The following VPS45 variants were observed in gnomAD, a reference collection of about 807,000 sequenced individuals.
VPS45 encodes vacuolar protein sorting 45 homolog.
A neutral mutation model predicts 75.9 loss-of-function variants in VPS45; 35 were observed. That is an observed-to-expected ratio of 0.46 (90% CI 0.35 to 0.61). The LOEUF is 0.61. Ranked by LOEUF, VPS45 falls within the 20% of genes least tolerant of loss-of-function variation. The pLI is 0.00. For synonymous variants in VPS45, 220 were observed against 238.2 expected, an observed-to-expected ratio of 0.92 and a Z score of 0.70; for missense variants, 559 against 685.9, an observed-to-expected ratio of 0.81 and a Z score of 2.07.
chr1:150,120,665 C>T (rs1408813902), intron 14 of VPS45, among the ~76,000 whole-genome samples: 1 of 151,928 alleles, frequency 6.6e-6, no homozygotes, highest in African/African-American at 2.4e-5. Context: ...GTGATTCAGG[C>T]GCTGGTTGTA....
chr1:150,116,598 G>C (rs1657944043), intron 14 of VPS45, among the ~76,000 whole-genome samples: 1 of 152,160 alleles, frequency 6.6e-6, no homozygotes, highest in African/African-American at 2.4e-5. Context: ...TTACTTGAAT[G>C]CCTAATGCTG....
chr1:150,140,237 A>G (rs1263801409), intron 14 of VPS45, among the ~76,000 whole-genome samples: 2 of 152,158 alleles, frequency 1.3e-5, no homozygotes, highest in East Asian at 1.9e-4. Context: ...CACCACTACC[A>G]TCTCCAATAC....
intron 14 of VPS45, 47 bp from the exon 15 acceptor site, chr1:150,144,662 G>C: frequency 6.6e-7 from 1 of 1,516,974 alleles, no homozygotes; most frequent in East Asian, 2.3e-5. Flanking sequence ...TCTATTTTTG[G>C]AGATGCTTTT....
In VPS45 at chr1:150,093,517, CCT is replaced by C. The variant is rs782327109; in HGVS notation, c.1372-9_1372-8del. On this transcript the variant is annotated splice_region_variant and splice_polypyrimidine_tract_variant and intron_variant, in intron 12 of 14. Transcript: ENST00000644510. ...AAAAATGACATAAGAACCATTTTCC[CCT>C]GTTTTAGGGAGTAGAAAATGTATAT... is the stretch of plus-strand genomic sequence containing the variant. 8 of 1,604,468 alleles carry C rather than the reference CCT, an allele frequency of 5.0e-6. No individual in the cohort carries two copies. In the South Asian group the frequency reaches 5.6e-5, roughly 11 times the overall value.
chr1:150,120,595 G>C (rs781950695), intron 14 of VPS45, among the ~76,000 whole-genome samples: 1 of 152,180 alleles, frequency 6.6e-6, no homozygotes, highest in Non-Finnish European at 1.5e-5. Context: ...TTATCTTAAA[G>C]TGGCTCTTTC....
In VPS45 at chr1:150,074,955, C is replaced by CTTTTT. The variant is rs782039324; in HGVS notation, c.290-1258_290-1254dup. 1.2e-3 allele frequency among the ~76,000 whole-genome samples: 96 copies of CTTTTT among 81,108 alleles called. 4 individuals are homozygous for CTTTTT. Among genetic ancestry groups the CTTTTT allele is most frequent in the African/African-American group, 2.0e-3 (36 of 18,342 alleles). 53.2% of individuals were successfully genotyped at this position (81,108 alleles called of 152,430 possible). ...TAAAAGTGAAAAATAATTATTTATT[C>CTTTTT]TTTTTTTTTTTTTTTTTTTTTTTTG... On this transcript the variant is annotated intron_variant, in intron 3 of 14. Transcript: ENST00000644510.
At chr1:150,142,463 C>A (rs1031120726) in intron 14 of VPS45, among the ~76,000 whole-genome samples, 2 of 152,220 alleles carry the variant, frequency 1.3e-5, no homozygotes, top group Non-Finnish European at 2.9e-5. Context: ...AACTTAGCTT[C>A]TACTCCTTTC....
Position 150,102,124 on chromosome 1 carries a change from G to A in VPS45, c.1494-8372G>A, listed in dbSNP as rs184185439. On this transcript the variant is annotated intron_variant, in intron 13 of 14. Transcript: ENST00000644510. ...ATGGTGGCAGGTGCCTGTAATCCCA[G>A]CTACTCGGGAGGCTAAGGCAGCAGA... Among the ~76,000 whole-genome samples the A allele has an allele frequency of 1.4e-3, 218 of 150,832 alleles. 4 individuals carry two copies. The East Asian group carries it at 0.035, about 24-fold the overall frequency.
rs1468435852 is a variant in VPS45, at chr1:150,067,799, G to T, written c.-59G>T. 12 of 1,561,312 alleles carry T rather than the reference G, an allele frequency of 7.7e-6. No homozygotes were observed. The highest frequency in any genetic ancestry group is 9.7e-6 in the Non-Finnish European group (11 of 1,134,710). On this transcript the variant is annotated 5_prime_UTR_variant, in exon 1 of 15. Coordinates refer to ENST00000644510, the MANE Select transcript of VPS45 (RefSeq NM_007259.5). ...CTGAGACCCGGCCAACAGACTGGGG[G>T]TTAATTTAGCCAGAAAAGGGGGCGG...
chr1:150,077,877 C>T, intron 7 of VPS45, 98 bp downstream of exon 7: 1 of 979,464 alleles, frequency 1.0e-6, no homozygotes, highest in South Asian at 1.4e-5. Flanking sequence ...TTATTTGCCT[C>T]CTTATTTTTA....
Position 150,076,238 on chromosome 1 carries a change from AGTAAT to A in VPS45, c.298_302del (p.Asn100AspfsTer5). The A allele has an allele frequency of 6.2e-7, 1 of 1,602,108 alleles. No individual in the cohort carries two copies. The highest frequency in any genetic ancestry group is 8.5e-7 in the Non-Finnish European group (1 of 1,172,992). On this transcript the variant is annotated frameshift_variant, in exon 4 of 15. Transcript: ENST00000644510. LOFTEE classifies it high-confidence loss of function. The stretch of plus-strand genomic sequence containing the variant: ...CCCCAACTCATGTGTTTCAGATTTC[AGTAAT>A]GTGATCAGCAAGAGTGACGTGAAGT...
chr1:150,117,989 A>C (rs587598821), intron 14 of VPS45, among the ~76,000 whole-genome samples: 1 of 152,154 alleles, frequency 6.6e-6, no homozygotes, highest in African/African-American at 2.4e-5. Flanking sequence ...TAATAGTGCT[A>C]TGGGCTGGGC....
intron 13 of VPS45, among the ~76,000 whole-genome samples, chr1:150,102,483 A>G (rs1657093860): frequency 6.7e-6 from 1 of 150,078 alleles, no homozygotes; most frequent in African/African-American, 2.5e-5. Flanking sequence ...TGGGAGGCAG[A>G]GGTTGTGGTG....
intron 13 of VPS45, 96 bp downstream of exon 13, chr1:150,093,744 TCTG>T: frequency 7.1e-7 from 1 of 1,409,924 alleles, no homozygotes. Flanking sequence ...GTTATAGCAT[TCTG>T]CTGCTCCTTT....
At chr1:150,077,284 A>G in intron 6 of VPS45, 53 bp downstream of exon 6, 2 of 1,571,510 alleles carry the variant, frequency 1.3e-6, no homozygotes, top group Admixed American at 2.0e-5. Flanking sequence ...TCATTTCTCT[A>G]TCATATTTCA....
intron 14 of VPS45, among the ~76,000 whole-genome samples, chr1:150,125,543 C>G (rs587638052): frequency 7.4e-6 from 1 of 135,774 alleles, no homozygotes; most frequent in Non-Finnish European, 1.5e-5. Context: ...AGCAAACTAT[C>G]GCAAGGACAA....
In VPS45 at chr1:150,068,756, C is replaced by T. The variant is rs1374559604; in HGVS notation, c.220C>T (p.Pro74Ser). 3 of 1,610,546 alleles carry T rather than the reference C, an allele frequency of 1.9e-6. No individual in the cohort carries two copies. Among genetic ancestry groups the T allele is most frequent in the Non-Finnish European group, 1.7e-6 (2 of 1,178,210 alleles). ...CCTGAAGGCAATTTGTTTTCTTCGA[C>T]CTACAAAGGTACTGCATAAACTGAG... The part of the protein sequence containing the change: ...KHLKAICFLR[P>S]TKENVDYIIQ... Residue 74 changes from proline (P) to serine (S), a missense_variant, in exon 2 of 15, where the codon CCT becomes TCT. Pro to Ser is a moderately conservative substitution (Grantham distance 74). Coordinates refer to ENST00000644510, the MANE Select transcript of VPS45 (RefSeq NM_007259.5).
At chr1:150,110,448 C>A in intron 13 of VPS45, 48 bp from the exon 14 acceptor site, 2 of 1,509,316 alleles carry the variant, frequency 1.3e-6, no homozygotes, top group South Asian at 1.3e-5. Flanking sequence ...AGTCACAGTC[C>A]TTTTTTTTTC....
chr1:150,110,448 CT>C (rs782440802), intron 13 of VPS45, 47 bp from the exon 14 acceptor site: 181 of 1,507,880 alleles, frequency 1.2e-4, no homozygotes, highest in Middle Eastern at 7.5e-4. Context: ...AGTCACAGTC[CT>C]TTTTTTTTCT....
Sources: allele counts gnomAD v4.1 joint callset (sites outside exome capture counted in the v4.1 genomes callset), GRCh38; gene constraint gnomAD v4.1.1; transcripts MANE v1.5; gene names NCBI Gene and HGNC (gene_info 2026-07-23, HGNC 2026-07-21).